Variants in NAA35 observed in about 807,000 individuals in gnomAD.
The protein encoded by NAA35 is N-alpha-acetyltransferase 35, NatC auxiliary subunit, also known as MAK10 homolog, amino-acid N-acetyltransferase subunit.
Under a neutral mutation model 101.7 loss-of-function variants are expected in NAA35, and 18 were observed. That is an observed-to-expected ratio of 0.18 (90% CI 0.12 to 0.26). The LOEUF is 0.26. Ranked by LOEUF, NAA35 falls within the 10% of genes least tolerant of loss-of-function variation. NAA35 has a pLI of 1.00. For missense variants in NAA35, 601 were observed against 886.8 expected, an observed-to-expected ratio of 0.68 and a Z score of 4.09; for synonymous variants, 267 against 273.1, an observed-to-expected ratio of 0.98 and a Z score of 0.22.
Position 86,024,241 on chromosome 9 carries a change from A to G in NAA35, c.*2281A>G, listed in dbSNP as rs1832685938. Among the ~76,000 whole-genome samples, 2 of 152,174 alleles carry G rather than the reference A, an allele frequency of 1.3e-5. No homozygotes were observed. The highest frequency in any genetic ancestry group is 4.8e-5 in the African/African-American group (2 of 41,444). On this transcript the variant is annotated 3_prime_UTR_variant, in exon 23 of 23. Transcript: ENST00000361671. ...TAGGTGACAAATCCCCATCGCATCT[A>G]TTCAGGAGGCACTGCTGGGAAAAGG...
intron 2 of NAA35, among the ~76,000 whole-genome samples, chr9:85,954,204 C>T (rs1020032909): frequency 6.6e-6 from 1 of 152,110 alleles, no homozygotes; most frequent in Non-Finnish European, 1.5e-5. Flanking sequence ...CCTCAGCCTC[C>T]CCAGTAGCTA....
At chr9:85,989,077 G>C (rs771928377) in intron 11 of NAA35, among the ~76,000 whole-genome samples, 5 of 152,184 alleles carry the variant, frequency 3.3e-5, no homozygotes, top group Admixed American at 6.5e-5. Context: ...ATAGAGCCTA[G>C]TAAATTAAGA....
intron 12 of NAA35, among the ~76,000 whole-genome samples, chr9:85,998,530 A>C (rs1055281785): frequency 6.6e-6 from 1 of 152,202 alleles, no homozygotes; most frequent in Admixed American, 6.5e-5. Context: ...TGAAGCTGCT[A>C]GGTACACTTT....
At chr9:85,959,247 G>A (rs1829404759) in intron 4 of NAA35, among the ~76,000 whole-genome samples, 1 of 151,772 alleles carries the variant, frequency 6.6e-6, no homozygotes, top group South Asian at 2.1e-4. Flanking sequence ...GTGGTGGCAG[G>A]CGCCTGTAGT....
chr9:85,998,880 C>G lies in NAA35; in HGVS notation c.1056+2303C>G, dbSNP rs565823966. On this transcript the variant is annotated intron_variant, in intron 12 of 22. Transcript: ENST00000361671. ...TCTGTGAAATCTTCCCCTTTGGTTG[C>G]TGGTTGCCACTGTACCTGTGTTCCT... Among the ~76,000 whole-genome samples the G allele has an allele frequency of 1.3e-5, 2 of 152,302 alleles. 1 individual carries two copies. Among genetic ancestry groups the G allele is most frequent in the African/African-American group, 4.8e-5 (2 of 41,568 alleles).
intron 6 of NAA35, among the ~76,000 whole-genome samples, chr9:85,971,561 A>G (rs2117994980): frequency 6.6e-6 from 1 of 152,314 alleles, no homozygotes; most frequent in African/African-American, 2.4e-5. Context: ...TTATACCTCT[A>G]GGCTTGAGTC....
intron 11 of NAA35, among the ~76,000 whole-genome samples, chr9:85,985,357 A>G (rs1286615465): frequency 6.6e-6 from 1 of 152,224 alleles, no homozygotes; most frequent in East Asian, 1.9e-4. Flanking sequence ...AAATAGCTCA[A>G]ATGTCCATCA....
Position 86,007,430 on chromosome 9 carries a change from C to T in NAA35, c.1189C>T (p.Arg397Trp), listed in dbSNP as rs368206549. The change falls in exon 14 of 23, where the codon CGG (arginine) becomes TGG (tryptophan). Residue 397 changes from arginine to tryptophan, a missense_variant. Transcript: ENST00000361671. ...LMQDMVKDAL[R>W]SFVSPPVLSP... ...GCAAGACATGGTGAAAGATGCACTT[C>T]GGTCTTTTGTCAGTCCTCCGGTGCT... 5.6e-6 allele frequency: 9 copies of T among 1,613,576 alleles called. No homozygotes were observed. Among genetic ancestry groups the T allele is most frequent in the South Asian group, 4.4e-5 (4 of 91,018 alleles).
At position 85,978,322 on chromosome 9, in the gene NAA35, C is replaced by G. The variant is rs147227765; in HGVS notation, c.818C>G (p.Ser273Cys). ...KLMVQAADLL[S>C]AIHNSLHHGI... The stretch of plus-strand genomic sequence containing the variant: ...ATGGTTCAAGCAGCAGATCTTCTTT[C>G]TGCCATTCATAATTCATTGCATCAT... The change falls in exon 11 of 23, where the codon TCT becomes TGT. Residue 273 changes from serine to cysteine, a missense_variant. Around this residue, in one of 8 missense-constraint regions of NAA35, gnomAD observed 190 missense variants for 223.1 expected, o/e 0.85. Coordinates refer to ENST00000361671, the MANE Select transcript of NAA35 (RefSeq NM_024635.4). The G allele has an allele frequency of 8.9e-4, 1,441 of 1,613,466 alleles. 10 individuals are homozygous for G. The African/African-American group carries it at 0.017, about 19-fold the overall frequency.
chr9:85,998,845 T>C (rs1831289723), intron 12 of NAA35, among the ~76,000 whole-genome samples: 1 of 152,202 alleles, frequency 6.6e-6, no homozygotes, highest in African/African-American at 2.4e-5. Context: ...GTCAGCCCCA[T>C]GTCATTTTCT....
At position 85,978,341 on chromosome 9, in the gene NAA35, G is replaced by T; in HGVS notation, c.837G>T (p.Leu279Phe). The T allele has an allele frequency of 6.2e-7, 1 of 1,612,950 alleles. No homozygotes were observed. The highest frequency in any genetic ancestry group is 8.5e-7 in the Non-Finnish European group (1 of 1,179,122). ...ADLLSAIHNS[L>F]HHGIQAQNDT... Reference sequence around the variant, plus strand: ...TTCTTTCTGCCATTCATAATTCATTGCATCATGGCATCCAGGCCCAGAATG... The same window carrying T: ...TTCTTTCTGCCATTCATAATTCATTTCATCATGGCATCCAGGCCCAGAATG... Residue 279 changes from leucine to phenylalanine, a missense_variant, in exon 11 of 23, where the codon TTG (leucine) becomes TTT (phenylalanine). This residue lies in a region of NAA35 where 190 missense variants were observed against 223.1 expected (regional missense o/e 0.85). Coordinates refer to ENST00000361671, the MANE Select transcript of NAA35 (RefSeq NM_024635.4).
At chr9:85,997,118 A>G (rs568043886) in intron 12 of NAA35, among the ~76,000 whole-genome samples, 6 of 151,592 alleles carry the variant, frequency 4.0e-5, no homozygotes, top group Admixed American at 2.6e-4. Flanking sequence ...ATGCCCAACA[A>G]TGTTTTAGTT....
At position 86,022,068 on chromosome 9, in the gene NAA35, G is replaced by C. The variant is rs1035131031; in HGVS notation, c.*108G>C. On this transcript the variant is annotated 3_prime_UTR_variant, in exon 23 of 23. Transcript: ENST00000361671. ...CACGGGAAGTGAGATGGATTTCTTG[G>C]GTAACAACTCATTATAAGGAATACT... 3 of 788,998 alleles carry C rather than the reference G, an allele frequency of 3.8e-6. No homozygotes were observed. In the Admixed American group the frequency reaches 8.1e-5, roughly 21 times the overall value. 48.9% of individuals were successfully genotyped at this position (788,998 alleles called of 1,614,324 possible).
chr9:85,987,896 T>G (rs1233580458), intron 11 of NAA35, among the ~76,000 whole-genome samples: 1 of 152,234 alleles, frequency 6.6e-6, no homozygotes, highest in Non-Finnish European at 1.5e-5. Context: ...TCTCTTGGAA[T>G]AATCACAGGT....
chr9:85,941,600 C>T, intron 1 of NAA35: 1 of 986,124 alleles, frequency 1.0e-6, no homozygotes, highest in Non-Finnish European at 1.2e-6. Context: ...CGTGTGCCCG[C>T]CTCAGGTGTG....
chr9:86,017,355 A>T (rs1467297353), intron 18 of NAA35, 143 bp from the exon 19 acceptor site: 6 of 592,158 alleles, frequency 1.0e-5, no homozygotes, highest in Non-Finnish European at 1.8e-5. Flanking sequence ...GACCATAAAT[A>T]AAATTTAACC....
chr9:86,008,225 G>T (rs941535973), intron 14 of NAA35, among the ~76,000 whole-genome samples: 9 of 152,184 alleles, frequency 5.9e-5, no homozygotes, highest in Non-Finnish European at 4.4e-5. Context: ...ACCATGCCCA[G>T]CTAATTTTTG....
At chr9:85,989,156 A>G (rs1433230693) in intron 11 of NAA35, among the ~76,000 whole-genome samples, 2 of 152,174 alleles carry the variant, frequency 1.3e-5, no homozygotes, top group Non-Finnish European at 2.9e-5. Context: ...TAGTGTAACA[A>G]TATCTTCAAA....
At position 85,996,904 on chromosome 9, in the gene NAA35, TA is replaced by T. The variant is rs553982477; in HGVS notation, c.1056+328del. On this transcript the variant is annotated intron_variant, in intron 12 of 22. Coordinates refer to ENST00000361671, the MANE Select transcript of NAA35 (RefSeq NM_024635.4). ...TCTCACTCTGTTGTCTAGGCAGGAG[TA>T]CAGTGGTGTGATCTTGGCTCAAAGT... 6.2e-4 allele frequency among the ~76,000 whole-genome samples: 94 copies of T among 152,250 alleles called. No individual in the cohort carries two copies. In the Middle Eastern group the frequency reaches 0.01, roughly 17 times the overall value.
Sources: gnomAD v4.1 joint callset for allele counts (sites outside exome capture counted in the v4.1 genomes callset) on GRCh38, gnomAD v4.1.1 for gene constraint, gnomAD v4.1.1 regional missense constraint, MANE v1.5 for transcripts, NCBI Gene and HGNC (gene_info 2026-07-23, HGNC 2026-07-21) for gene names.